The following SND1 variants were observed in gnomAD, a reference collection of about 807,000 sequenced individuals.
SND1 encodes staphylococcal nuclease domain-containing protein 1.
Under a neutral mutation model 121.7 loss-of-function variants are expected in SND1, and 38 were observed. The observed-to-expected ratio is 0.31, with a 90% CI of 0.24 to 0.41. SND1 has a LOEUF of 0.41. SND1 is among the 10% of genes least tolerant of loss of function. The pLI is 1.00. For missense variants in SND1, 868 were observed against 1,184.6 expected (o/e 0.73, Z 3.92); for synonymous variants, 401 against 447.4 (o/e 0.90, Z 1.31).
At chr7:127,746,180 C>T (rs903072015) in intron 10 of SND1, among the ~76,000 whole-genome samples, 1 of 152,154 alleles carries the variant, frequency 6.6e-6, no homozygotes, top group Non-Finnish European at 1.5e-5. Flanking sequence ...GAATGGTCAT[C>T]TTAGAACTCC....
At chr7:128,069,074 A>G (rs1237997455) in intron 16 of SND1, among the ~76,000 whole-genome samples, 1 of 152,172 alleles carries the variant, frequency 6.6e-6, no homozygotes, top group Admixed American at 6.5e-5. Context: ...CTGAAGAGAA[A>G]GGGATCTGTG....
chr7:128,089,438 C>T, intron 21 of SND1, 51 bp from the exon 22 acceptor site: 1 of 1,535,676 alleles, frequency 6.5e-7, no homozygotes, highest in Non-Finnish European at 8.9e-7. Context: ...GAGCTGGGGC[C>T]CAAGTGGTTG....
At chr7:127,836,802 A>G (rs963780488) in intron 11 of SND1, among the ~76,000 whole-genome samples, 1 of 152,196 alleles carries the variant, frequency 6.6e-6, no homozygotes, top group Non-Finnish European at 1.5e-5. Context: ...ACACTAAGGT[A>G]AAGAATTCTA....
At chr7:127,876,600 A>T (rs932117004) in intron 12 of SND1, among the ~76,000 whole-genome samples, 2 of 152,176 alleles carry the variant, frequency 1.3e-5, no homozygotes, top group African/African-American at 4.8e-5. Flanking sequence ...GTTTTACACA[A>T]TGATGAATCA....
intron 10 of SND1, among the ~76,000 whole-genome samples, chr7:127,761,005 C>T (rs1797296433): frequency 6.6e-6 from 1 of 152,198 alleles, no homozygotes; most frequent in Admixed American, 6.5e-5. Context: ...AAAAAGATTT[C>T]AGAAATAGAT....
chr7:127,712,052 T>C (rs914940349), intron 9 of SND1, among the ~76,000 whole-genome samples: 2 of 152,168 alleles, frequency 1.3e-5, no homozygotes, highest in Non-Finnish European at 2.9e-5. Flanking sequence ...ATTAGAGGCT[T>C]TCCTCAGATA....
chr7:127,905,126 C>T (rs2116766467), intron 14 of SND1, among the ~76,000 whole-genome samples: 1 of 152,194 alleles, frequency 6.6e-6, no homozygotes, highest in Middle Eastern at 3.4e-3. Flanking sequence ...AATAAAATTG[C>T]CTCTTTTTAA....
intron 16 of SND1, among the ~76,000 whole-genome samples, chr7:128,009,500 T>C (rs996169751): frequency 1.3e-5 from 2 of 152,260 alleles, no homozygotes; most frequent in Non-Finnish European, 2.9e-5. Flanking sequence ...TTGGTGGAAA[T>C]GTCCTTTGTC....
chr7:128,084,581 G>C (rs546124554), intron 18 of SND1, 143 bp from the exon 19 acceptor site: 4 of 778,088 alleles, frequency 5.1e-6, no homozygotes, highest in Non-Finnish European at 7.5e-6. Context: ...GGGCTTCCCC[G>C]CATGGGTTGG....
intron 10 of SND1, among the ~76,000 whole-genome samples, chr7:127,737,409 T>C (rs941088949): frequency 2.0e-5 from 3 of 152,246 alleles, no homozygotes; most frequent in Non-Finnish European, 4.4e-5. Context: ...ACGCCATCTC[T>C]ACTGAAAATA....
intron 16 of SND1, chr7:128,031,654 C>T (rs866869691): frequency 6.8e-6 from 1 of 147,140 alleles, no homozygotes; most frequent in African/African-American, 2.4e-5. Flanking sequence ...ACCCGGTCCG[C>T]CGGCCGGAGG....
intron 16 of SND1, among the ~76,000 whole-genome samples, chr7:128,061,343 T>C (rs151294468): frequency 5.1e-4 from 77 of 152,330 alleles, no homozygotes; most frequent in Middle Eastern, 3.4e-3. Context: ...GCAGTGGCTT[T>C]GAGAACTTTT....
chr7:127,770,387 A>G (rs1297682932), intron 10 of SND1, among the ~76,000 whole-genome samples: 2 of 152,234 alleles, frequency 1.3e-5, no homozygotes, highest in Non-Finnish European at 2.9e-5. Context: ...GCTTGGAATT[A>G]CATAGCTTGA....
At chr7:127,762,651 G>T (rs1236579593) in intron 10 of SND1, among the ~76,000 whole-genome samples, 3 of 152,220 alleles carry the variant, frequency 2.0e-5, no homozygotes, top group African/African-American at 7.2e-5. Context: ...CTAGTAGAGA[G>T]AATACTTTGC....
At chr7:127,786,647 G>T (rs1488192219) in intron 10 of SND1, among the ~76,000 whole-genome samples, 2 of 151,986 alleles carry the variant, frequency 1.3e-5, no homozygotes, top group Non-Finnish European at 2.9e-5. Context: ...TTGTTTGTTT[G>T]TTTGTTTGTT....
chr7:127,988,092 G>A (rs1316032384), intron 15 of SND1, among the ~76,000 whole-genome samples: 1 of 152,174 alleles, frequency 6.6e-6, no homozygotes, highest in Non-Finnish European at 1.5e-5. Context: ...TTGTCTACAG[G>A]TGTTTGTACC....
rs77658688 is a variant in SND1 at position 127,764,056 on chromosome 7, A to C, written c.1152+42656A>C. ...CCTGTCGCAAAAAAAAAAAAAACAA[A>C]AAAACAAAAAAACAAAAAACCCAAG... On this transcript the variant is annotated intron_variant, in intron 10 of 23. Coordinates refer to ENST00000354725, the MANE Select transcript of SND1 (RefSeq NM_014390.4). Among the ~76,000 whole-genome samples the C allele has an allele frequency of 7.4e-5, 10 of 135,214 alleles. 1 individual carries two copies. The highest frequency in any genetic ancestry group is 1.3e-4 in the Non-Finnish European group (8 of 61,480). The allele number at this position is 135,214 out of a possible 152,430, so 88.7% of individuals were successfully genotyped here. A position where few individuals can be genotyped will look rare whatever the true frequency, so the allele number is the denominator to read the frequency against.
intron 11 of SND1, among the ~76,000 whole-genome samples, chr7:127,815,410 A>G (rs1798420053): frequency 6.6e-6 from 1 of 152,110 alleles, no homozygotes; most frequent in Non-Finnish European, 1.5e-5. Flanking sequence ...GAATCACTTG[A>G]GCCTAGGAGT....
intron 16 of SND1, among the ~76,000 whole-genome samples, chr7:127,994,974 A>G (rs1584723840): frequency 6.6e-6 from 1 of 151,964 alleles, no homozygotes; most frequent in South Asian, 2.1e-4. Context: ...TGCCTACCTC[A>G]GCCTCCCAAA....
Sources: allele counts gnomAD v4.1 joint callset (sites outside exome capture counted in the v4.1 genomes callset), GRCh38; gene constraint gnomAD v4.1.1; transcripts MANE v1.5; gene names NCBI Gene and HGNC (gene_info 2026-07-23, HGNC 2026-07-21).